The following SEMA4B variants were observed in gnomAD, a reference collection of about 807,000 sequenced individuals.
SEMA4B encodes semaphorin-4B.
Under a neutral mutation model 88.1 loss-of-function variants are expected in SEMA4B, and 55 were observed. The ratio of observed to expected loss-of-function variants is 0.62; its 90% CI spans 0.50 to 0.78. The LOEUF (loss-of-function observed/expected upper bound fraction) is 0.78. SEMA4B is among the 30% of genes least tolerant of loss of function. The pLI, the probability that SEMA4B is intolerant of heterozygous loss-of-function variation, is 0.00. For synonymous variants in SEMA4B, 525 were observed against 473.6 expected (o/e 1.11, Z -1.41); for missense variants, 1,062 against 1,111.9 (o/e 0.96, Z 0.64).
rs991211660 is a variant in SEMA4B, at chr15:90,228,720, C to T, written c.*77C>T. ...GAGAGGGTCAACTGGACCTCCCCTC[C>T]GCTCTGCTCTTCGTGGAACACGACC... is the stretch of plus-strand genomic sequence containing the variant. On this transcript the variant is annotated 3_prime_UTR_variant, in exon 14 of 14. Transcript: ENST00000411539. The T allele has an allele frequency of 5.8e-5, 91 of 1,569,644 alleles. No individual in the cohort carries two copies. The highest frequency in any genetic ancestry group is 5.3e-5 in the Non-Finnish European group (61 of 1,152,754).
In SEMA4B at chr15:90,212,996, T is replaced by G. The variant is rs1227341307; in HGVS notation, c.158-4443T>G. ...GGGCCGGATTTTCCTGCGGGGCTTT[T>G]GGATTTTGTTTTTGAGTCACTCATT... On this transcript the variant is annotated intron_variant, in intron 1 of 13. Transcript: ENST00000411539. The surrounding 1 kb of genome is among the most constrained non-coding windows in gnomAD (Gnocchi z 4.0). Among the ~76,000 whole-genome samples, 1 of 152,186 alleles carries G rather than the reference T, an allele frequency of 6.6e-6. No homozygotes were observed. The highest frequency in any genetic ancestry group is 1.5e-5 in the Non-Finnish European group (1 of 68,034).
At chr15:90,195,698 C>T (rs965593366) in intron 1 of SEMA4B, among the ~76,000 whole-genome samples, 1 of 152,064 alleles carries the variant, frequency 6.6e-6, no homozygotes, top group Non-Finnish European at 1.5e-5. Flanking sequence ...CACCCTTGAC[C>T]TCCTAGGTTC....
At position 90,201,527 on chromosome 15, in the gene SEMA4B, G is replaced by T. The variant is rs1290219301; in HGVS notation, c.-52G>T. The T allele has an allele frequency of 7.4e-7, 1 of 1,350,756 alleles. No individual in the cohort carries two copies. Among genetic ancestry groups the T allele is most frequent in the Admixed American group, 3.9e-5 (1 of 25,728 alleles). The allele number at this position is 1,350,756 out of a possible 1,614,324, so 83.7% of individuals were successfully genotyped here. A position where few individuals can be genotyped will look rare whatever the true frequency, so the allele number is the denominator to read the frequency against. On this transcript the variant is annotated 5_prime_UTR_variant, in exon 1 of 14. Transcript: ENST00000411539. ...GGGCGGAGCTGCCGCCCGTGAGTCC[G>T]GCCGAGCCACCTGAGCCCGAGCCGC...
At chr15:90,226,372 G>A (rs907189304) in intron 12 of SEMA4B, among the ~76,000 whole-genome samples, 6 of 151,968 alleles carry the variant, frequency 3.9e-5, no homozygotes, top group African/African-American at 7.3e-5. Context: ...TTGGAGACTC[G>A]CTCTGTCGCC....
intron 4 of SEMA4B, chr15:90,220,281 C>T (rs962394786): frequency 1.6e-5 from 3 of 183,848 alleles, no homozygotes; most frequent in Non-Finnish European, 3.3e-5. Context: ...TGGAGCCCAG[C>T]TTTGGGGTCA....
intron 1 of SEMA4B, among the ~76,000 whole-genome samples, chr15:90,186,519 T>G (rs1302372621): frequency 6.6e-6 from 1 of 152,072 alleles, no homozygotes; most frequent in African/African-American, 2.4e-5. Flanking sequence ...CTTGGGAGGC[T>G]GAGGCAGGAG....
At position 90,220,971 on chromosome 15, in the gene SEMA4B, C is replaced by A. The variant is rs3825998; in HGVS notation, c.484-11C>A. ...GAGTGCCCCTGAGCCCATGTGTCCA[C>A]CCTCCTGCAGAACATGGAGAACTTC... On this transcript the variant is annotated splice_polypyrimidine_tract_variant and intron_variant, in intron 4 of 13. Coordinates refer to ENST00000411539, the MANE Select transcript of SEMA4B (RefSeq NM_198925.4). 0.18 allele frequency: 280,673 copies of A among 1,573,296 alleles called. 32,277 individuals are homozygous for A. Among genetic ancestry groups the A allele is most frequent in the East Asian group, 0.6 (26,392 of 43,678 alleles).
At chr15:90,221,273 G>T in intron 5 of SEMA4B, 94 bp from the exon 6 acceptor site, 1 of 1,241,078 alleles carries the variant, frequency 8.1e-7, no homozygotes, top group Non-Finnish European at 1.2e-6. Context: ...CCCACCACAG[G>T]CAAAACGGGC....
At chr15:90,220,906 C>T (rs1245524837) in intron 4 of SEMA4B, 76 bp from the exon 5 acceptor site, 23 of 949,370 alleles carry the variant, frequency 2.4e-5, no homozygotes, top group African/African-American at 3.2e-5. Flanking sequence ...TTCTCCTGCA[C>T]GCCTCTCTCT....
At chr15:90,196,884 T>C (rs914012319), upstream of SEMA4B, among the ~76,000 whole-genome samples, 1 of 152,228 alleles carries the variant, frequency 6.6e-6, no homozygotes, top group African/African-American at 2.4e-5. Flanking sequence ...GACTAATGGA[T>C]TGTTTTTAAA....
chr15:90,219,720 G>GC lies in SEMA4B; in HGVS notation c.385-73_385-72insC, dbSNP rs1555423233. The GC allele has an allele frequency of 6.2e-5, 69 of 1,104,100 alleles. No individual in the cohort carries two copies. The South Asian group carries it at 7.5e-4, about 12-fold the overall frequency. 68.4% of individuals were successfully genotyped at this position (1,104,100 alleles called of 1,614,324 possible). A position where few individuals can be genotyped will look rare whatever the true frequency, so the allele number is the denominator to read the frequency against. On this transcript the variant is annotated intron_variant, in intron 3 of 13. Coordinates refer to ENST00000411539, the MANE Select transcript of SEMA4B (RefSeq NM_198925.4). Reference sequence around the variant, plus strand: ...GCAGAGGCCGGGCCTGGGTGTGGAAGGGGGGGCTCGGCGGTGCCCCCTGGT... The same window carrying GC: ...GCAGAGGCCGGGCCTGGGTGTGGAAGCGGGGGGCTCGGCGGTGCCCCCTGGT...
At chr15:90,205,803 C>T (rs2151598856) in intron 1 of SEMA4B, among the ~76,000 whole-genome samples, 1 of 152,340 alleles carries the variant, frequency 6.6e-6, no homozygotes, top group African/African-American at 2.4e-5. Context: ...GTAGAAAAGA[C>T]AAAGCAAGGC....
intron 7 of SEMA4B, 38 bp from the exon 8 acceptor site, chr15:90,223,521 C>T (rs755257427): frequency 1.2e-5 from 18 of 1,516,612 alleles, no homozygotes; most frequent in East Asian, 9.2e-5. Context: ...CATGGCTCAG[C>T]ATGTGCCTAA....
chr15:90,195,384 G>A (rs539357919), intron 1 of SEMA4B, among the ~76,000 whole-genome samples: 13 of 152,116 alleles, frequency 8.5e-5, no homozygotes, highest in East Asian at 3.9e-4. Flanking sequence ...CAGCCACCTC[G>A]CCTCGCTGCA....
upstream of SEMA4B, among the ~76,000 whole-genome samples, chr15:90,199,187 A>G (rs1163448297): frequency 6.6e-6 from 1 of 152,004 alleles, no homozygotes; most frequent in African/African-American, 2.4e-5. Flanking sequence ...CTTGTGTTTT[A>G]AAGACTCACT....
At chr15:90,199,944 C>G (rs1408411898), upstream of SEMA4B, among the ~76,000 whole-genome samples, 1 of 152,118 alleles carries the variant, frequency 6.6e-6, no homozygotes, top group East Asian at 1.9e-4. Context: ...GAGTAAGCAT[C>G]CAAACCTGGG....
Position 90,228,850 on chromosome 15 carries a change from G to C in SEMA4B, c.*207G>C. 1.5e-6 allele frequency: 1 copy of C among 650,538 alleles called. No individual in the cohort carries two copies. Among genetic ancestry groups the C allele is most frequent in the Non-Finnish European group, 2.6e-6 (1 of 385,628 alleles). The allele number at this position is 650,538 out of a possible 1,614,324, so 40.3% of individuals were successfully genotyped here. A position where few individuals can be genotyped will look rare whatever the true frequency, so the allele number is the denominator to read the frequency against. Reference sequence around the variant, plus strand: ...ACACCCAAACAGCCGTGGCCCCAGAGGTCCTGGCCAAATATGGGGGCCTGC... The same window carrying C: ...ACACCCAAACAGCCGTGGCCCCAGACGTCCTGGCCAAATATGGGGGCCTGC... On this transcript the variant is annotated 3_prime_UTR_variant, in exon 14 of 14. Coordinates refer to ENST00000411539, the MANE Select transcript of SEMA4B (RefSeq NM_198925.4).
intron 1 of SEMA4B, among the ~76,000 whole-genome samples, chr15:90,214,234 C>T (rs1317553518): frequency 6.6e-6 from 1 of 150,504 alleles, no homozygotes; most frequent in African/African-American, 2.5e-5. Flanking sequence ...ATCCCAGCTT[C>T]TTGGGAGGCT....
chr15:90,188,585 A>G (rs553927528), intron 1 of SEMA4B, among the ~76,000 whole-genome samples: 7 of 151,674 alleles, frequency 4.6e-5, no homozygotes, highest in East Asian at 2.0e-4. Context: ...CCGAGATCGC[A>G]CCACTGCACT....
Sources: gnomAD v4.1 joint callset for allele counts (sites outside exome capture counted in the v4.1 genomes callset) on GRCh38, gnomAD v4.1.1 for gene constraint, Gnocchi (gnomAD v3.1) non-coding constraint, MANE v1.5 for transcripts, NCBI Gene and HGNC (gene_info 2026-07-23, HGNC 2026-07-21) for gene names.